The following MCM6 variants were observed in gnomAD, a reference collection of about 807,000 sequenced individuals.
MCM6 encodes the protein DNA replication licensing factor MCM6.
In MCM6, 46 loss-of-function variants were observed where a neutral mutation model predicts 94.3. That is an observed-to-expected ratio of 0.49 (90% CI 0.39 to 0.62). The LOEUF (loss-of-function observed/expected upper bound fraction) is 0.62, where lower values mean the gene tolerates loss of function less well. Among genes scored for constraint, MCM6 ranks in the 20% least tolerant of loss-of-function variants. MCM6 has a pLI of 0.00. For missense variants in MCM6, 865 were observed against 1,017.9 expected, an observed-to-expected ratio of 0.85 and a Z score of 2.04; for synonymous variants, 335 against 351.9, an observed-to-expected ratio of 0.95 and a Z score of 0.54.
chr2:135,872,765 A>G lies in MCM6; in HGVS notation c.186T>C (p.Val62=). Residue 62 remains valine (V), a synonymous_variant, in exon 2 of 17, where the codon GTT becomes GTC. Coordinates refer to ENST00000264156, the MANE Select transcript of MCM6 (RefSeq NM_005915.6). The part of the protein sequence containing the change: ...ELIRPERNTL[V]VSFVDLEQFN... ...ATTGTTCCAGGTCCACAAAACTCACAACCAATGTGTTTCTCTCAGGACGAA... is the reference window on the plus strand; with the variant it reads ...ATTGTTCCAGGTCCACAAAACTCACGACCAATGTGTTTCTCTCAGGACGAA... 1 of 1,614,166 alleles carries G rather than the reference A, an allele frequency of 6.2e-7. No homozygotes were observed. Among genetic ancestry groups the G allele is most frequent in the South Asian group, 1.1e-5 (1 of 91,078 alleles).
intron 1 of MCM6, among the ~76,000 whole-genome samples, chr2:135,875,137 G>A (rs769668677): frequency 1.3e-5 from 2 of 152,102 alleles, no homozygotes; most frequent in Non-Finnish European, 2.9e-5. Context: ...AAGCCCAGGC[G>A]GGGGGATCAC....
At chr2:135,862,870 A>G in intron 7 of MCM6, 122 bp from the exon 8 acceptor site, 3 of 956,484 alleles carry the variant, frequency 3.1e-6, no homozygotes, top group Non-Finnish European at 1.6e-6. Context: ...AGCAAAGCAT[A>G]AAACTGGAGT....
chr2:135,863,990 A>G (rs886474029), intron 7 of MCM6, among the ~76,000 whole-genome samples: 2 of 152,082 alleles, frequency 1.3e-5, no homozygotes, highest in African/African-American at 4.8e-5. Flanking sequence ...GCAATCCTGC[A>G]ATCCCAGCTA....
chr2:135,850,674 G>A (rs1558755967), intron 13 of MCM6, among the ~76,000 whole-genome samples: 1 of 152,338 alleles, frequency 6.6e-6, no homozygotes, highest in Non-Finnish European at 1.5e-5. Context: ...TACTTCAGGG[G>A]AAGAGGGCTA....
At chr2:135,856,144 T>A (rs556548873) in intron 11 of MCM6, among the ~76,000 whole-genome samples, 61 of 152,064 alleles carry the variant, frequency 4.0e-4, no homozygotes, top group African/African-American at 1.4e-3. Context: ...ATAAAAATCT[T>A]AAGAGTGTGG....
chr2:135,857,822 G>C (rs763513560), intron 10 of MCM6, 75 bp downstream of exon 10: 2 of 1,214,566 alleles, frequency 1.6e-6, no homozygotes, highest in Non-Finnish European at 2.4e-6. Flanking sequence ...ATTTTATCCA[G>C]GTGAACTTCT....
intron 11 of MCM6, among the ~76,000 whole-genome samples, chr2:135,853,273 C>G (rs1679810250): frequency 1.3e-5 from 2 of 152,016 alleles, no homozygotes; most frequent in Admixed American, 1.3e-4. Flanking sequence ...AAACTGAGAC[C>G]CTCCCTGTCT....
In MCM6 at chr2:135,857,958, T is replaced by C. The variant is rs377587920; in HGVS notation, c.1409A>G (p.Gln470Arg). 2 of 1,613,924 alleles carry C rather than the reference T, an allele frequency of 1.2e-6. No individual in the cohort carries two copies. Among genetic ancestry groups the C allele is most frequent in the African/African-American group, 2.7e-5 (2 of 74,940 alleles). ...TTCCATAGCTTCATGAATAGCAACT[T>C]GATCCCGCACGTCCATCTTATCAAA... ...DEFDKMDVRDQVAIHEAMEQQ... is the reference protein window; with the variant it reads ...DEFDKMDVRDRVAIHEAMEQQ... Residue 470 changes from glutamine to arginine, a missense_variant, in exon 10 of 17, where the codon CAA (glutamine) becomes CGA (arginine). By Grantham distance (43) the Gln-to-Arg change is conservative. This residue lies in a region of MCM6 where 153 missense variants were observed against 241.5 expected (regional missense o/e 0.63). Transcript: ENST00000264156.
chr2:135,863,349 G>T (rs769944765), intron 7 of MCM6, among the ~76,000 whole-genome samples: 1 of 152,134 alleles, frequency 6.6e-6, no homozygotes, highest in Non-Finnish European at 1.5e-5. Flanking sequence ...TTTTTCTGTG[G>T]AACTGTCGAC....
chr2:135,851,651 A>C (rs1192746573), intron 12 of MCM6, 88 bp from the exon 13 acceptor site: 1 of 1,167,172 alleles, frequency 8.6e-7, no homozygotes, highest in African/African-American at 1.5e-5. Context: ...TCCAGGTGGA[A>C]ACATTTAGGG....
At chr2:135,870,933 T>G (rs895102093) in intron 2 of MCM6, among the ~76,000 whole-genome samples, 2 of 152,224 alleles carry the variant, frequency 1.3e-5, no homozygotes, top group East Asian at 1.9e-4. Flanking sequence ...GGGTTTTTTT[T>G]GTAGAAATGG....
At chr2:135,843,967 C>A (rs1350125229) in intron 16 of MCM6, among the ~76,000 whole-genome samples, 3 of 151,782 alleles carry the variant, frequency 2.0e-5, no homozygotes, top group Non-Finnish European at 4.4e-5. Context: ...AGAACTGACC[C>A]GGGAAAAGGA....
chr2:135,864,869 G>C (rs577284202), intron 7 of MCM6, 144 bp downstream of exon 7: 2 of 485,382 alleles, frequency 4.1e-6, no homozygotes, highest in East Asian at 6.9e-5. Flanking sequence ...GTGAAATCAT[G>C]TACCTGTCCT....
rs1217057463 is a variant in MCM6, at chr2:135,868,630, C to A, written c.596G>T (p.Arg199Ile). The A allele has an allele frequency of 1.9e-6, 3 of 1,613,766 alleles. No individual in the cohort carries two copies. The Admixed American group carries it at 5.0e-5, about 27-fold the overall frequency. ...AAATACCTTTTGAAAATCAACAAATCTTGATTTATTTGTATCCAGTAAGAA... is the reference window on the plus strand; with the variant it reads ...AAATACCTTTTGAAAATCAACAAATATTGATTTATTTGTATCCAGTAAGAA... ...RRFLLDTNKS[R>I]FVDFQKVRIQ... The change falls in exon 4 of 17, where the codon AGA (arginine) becomes ATA (isoleucine). Residue 199 changes from arginine to isoleucine, a missense_variant. Physicochemically the swap from Arg to Ile is moderately conservative, Grantham distance 97. This residue lies in a region of MCM6 where 404 missense variants were observed against 451.9 expected (regional missense o/e 0.89). Transcript: ENST00000264156.
intron 4 of MCM6, among the ~76,000 whole-genome samples, chr2:135,867,372 C>T (rs945899652): frequency 6.6e-6 from 1 of 151,838 alleles, no homozygotes; most frequent in Non-Finnish European, 1.5e-5. Context: ...GTTGTGTTCC[C>T]CCCCCCAAAC....
chr2:135,855,988 T>C (rs1045870322), intron 11 of MCM6, among the ~76,000 whole-genome samples: 14 of 151,998 alleles, frequency 9.2e-5, no homozygotes, highest in African/African-American at 2.9e-4. Flanking sequence ...GTAAAATACA[T>C]TCAGCAACTT....
intron 7 of MCM6, among the ~76,000 whole-genome samples, chr2:135,864,005 T>C (rs554164896): frequency 2.6e-4 from 40 of 151,666 alleles, no homozygotes; most frequent in African/African-American, 9.2e-4. Flanking sequence ...CAGCTACTCG[T>C]GAGGCTGAGG....
chr2:135,874,192 C>T (rs1393783605), intron 1 of MCM6, among the ~76,000 whole-genome samples: 1 of 152,116 alleles, frequency 6.6e-6, no homozygotes, highest in African/African-American at 2.4e-5. Flanking sequence ...TGAAATGAAA[C>T]GTTTATTGAA....
At chr2:135,871,044 C>T (rs1680189997) in intron 2 of MCM6, among the ~76,000 whole-genome samples, 2 of 152,280 alleles carry the variant, frequency 1.3e-5, no homozygotes, top group Admixed American at 6.5e-5. Flanking sequence ...TGAGCCACCA[C>T]ATCTGGCTGG....
Sources: gnomAD v4.1 joint callset for allele counts (sites outside exome capture counted in the v4.1 genomes callset) on GRCh38, gnomAD v4.1.1 for gene constraint, gnomAD v4.1.1 regional missense constraint, MANE v1.5 for transcripts, NCBI Gene and HGNC (gene_info 2026-07-23, HGNC 2026-07-21) for gene names.